The following HIVEP3 variants were observed in gnomAD, a reference collection of about 807,000 sequenced individuals.
HIVEP3 encodes the protein HIVEP zinc finger 3, also known as transcription factor HIVEP3.
HIVEP3 carries 49 observed loss-of-function variants against 152.8 expected under a neutral mutation model. That is an observed-to-expected ratio of 0.32 (90% CI 0.26 to 0.41). The LOEUF is 0.41. HIVEP3 is among the 10% of genes least tolerant of loss of function. The pLI is 1.00. For missense variants in HIVEP3, 2,790 were observed against 3,103.3 expected (o/e 0.90, Z 2.40); for synonymous variants, 1,269 against 1,289.0 (o/e 0.98, Z 0.33).
At chr1:41,641,667 C>T (rs1454847887) in intron 2 of HIVEP3, among the ~76,000 whole-genome samples, 1 of 152,156 alleles carries the variant, frequency 6.6e-6, no homozygotes, top group African/African-American at 2.4e-5. Flanking sequence ...GGTTTCGAGT[C>T]GGTGAACCAG....
intron 4 of HIVEP3, among the ~76,000 whole-genome samples, chr1:41,576,681 C>G (rs74685421): frequency 0.011 from 1,702 of 152,304 alleles, 13 homozygotes; most frequent in Middle Eastern, 0.02. Flanking sequence ...CACCTGCCCC[C>G]ACAAGGACAG....
chr1:41,815,011 A>G (rs1651180986), intron 1 of HIVEP3, among the ~76,000 whole-genome samples: 1 of 152,258 alleles, frequency 6.6e-6, no homozygotes, highest in Non-Finnish European at 1.5e-5. Context: ...CAGAGGAGAC[A>G]GACAGTAAAT....
At chr1:41,896,849 C>T (rs1447873668) in intron 1 of HIVEP3, among the ~76,000 whole-genome samples, 8 of 152,136 alleles carry the variant, frequency 5.3e-5, no homozygotes, top group African/African-American at 1.9e-4. Flanking sequence ...GCTAGGATTA[C>T]AGTTGTGAGC....
chr1:41,545,471 CAACACCACT>C, intron 5 of HIVEP3, among the ~76,000 whole-genome samples: 1 of 145,928 alleles, frequency 6.9e-6, no homozygotes. Context: ...TCACCACCAC[CAACACCACT>C]ACCACCAGCA....
intron 6 of HIVEP3, among the ~76,000 whole-genome samples, chr1:41,519,916 G>A (rs528444351): frequency 6.6e-6 from 1 of 152,140 alleles, no homozygotes; most frequent in Non-Finnish European, 1.5e-5. Flanking sequence ...GGACAGAGAC[G>A]TGGATGAATG....
At chr1:41,667,378 T>A (rs569867459) in intron 2 of HIVEP3, among the ~76,000 whole-genome samples, 1 of 152,364 alleles carries the variant, frequency 6.6e-6, no homozygotes, top group East Asian at 1.9e-4. Flanking sequence ...GAGACCTGGG[T>A]CTGGCCTAAG....
At chr1:41,801,225 T>C (rs558258522) in intron 1 of HIVEP3, among the ~76,000 whole-genome samples, 1 of 152,230 alleles carries the variant, frequency 6.6e-6, no homozygotes, top group East Asian at 1.9e-4. Flanking sequence ...GAAGATATTA[T>C]TAAGGTTGAG....
chr1:41,942,652 T>G (rs1163206903), intron 1 of HIVEP3, among the ~76,000 whole-genome samples: 1 of 152,232 alleles, frequency 6.6e-6, no homozygotes, highest in Non-Finnish European at 1.5e-5. Flanking sequence ...ACAAAGCTAT[T>G]TGTCAAAACA....
chr1:41,880,309 G>C (rs1644241618), intron 1 of HIVEP3, among the ~76,000 whole-genome samples: 1 of 152,130 alleles, frequency 6.6e-6, no homozygotes, highest in South Asian at 2.1e-4. Context: ...CCGAAGTGCT[G>C]GGAGATTACA....
chr1:41,516,482 TC>T (rs1318656076), intron 7 of HIVEP3, among the ~76,000 whole-genome samples: 1 of 152,082 alleles, frequency 6.6e-6, no homozygotes, highest in East Asian at 1.9e-4. Flanking sequence ...TTTTCGTTCT[TC>T]CCCCTCTCTT....
intron 1 of HIVEP3, among the ~76,000 whole-genome samples, chr1:41,777,379 T>C (rs185380543): frequency 2.0e-5 from 3 of 152,264 alleles, no homozygotes; most frequent in Admixed American, 1.3e-4. Context: ...CACTGGGCAT[T>C]TGTCAGCTTT....
At chr1:41,531,769 G>A (rs1643262897) in intron 5 of HIVEP3, among the ~76,000 whole-genome samples, 1 of 67,054 alleles carries the variant, frequency 1.5e-5, no homozygotes, top group Non-Finnish European at 3.3e-5. Flanking sequence ...AGGGGAGATG[G>A]AGGACAGGAG....
At chr1:41,765,918 T>C (rs563119693) in intron 1 of HIVEP3, among the ~76,000 whole-genome samples, 3 of 152,336 alleles carry the variant, frequency 2.0e-5, no homozygotes, top group African/African-American at 7.2e-5. Context: ...GTGTGCCTGC[T>C]CCTTCTTTCT....
At chr1:42,022,098 T>A (rs2124535753) in intron 1 of HIVEP3, among the ~76,000 whole-genome samples, 1 of 152,356 alleles carries the variant, frequency 6.6e-6, no homozygotes, top group Non-Finnish European at 1.5e-5. Flanking sequence ...AATCCACAGA[T>A]GTCTGGCACA....
rs1479374742 is a variant in HIVEP3, at chr1:41,880,827, A to T, written c.-801+37586T>A. ...AGGGGAGACCTGCATCTGTGGGGCG[A>T]GCATCCCCTAATCCTGATAGGCTTC... is the stretch of plus-strand genomic sequence containing the variant. On this transcript the variant is annotated intron_variant, in intron 1 of 8. Coordinates refer to ENST00000372583, the MANE Select transcript of HIVEP3 (RefSeq NM_024503.5). Among the ~76,000 whole-genome samples the T allele has an allele frequency of 4.9e-4, 74 of 152,310 alleles. 1 individual carries two copies. Among genetic ancestry groups the T allele is most frequent in the Admixed American group, 4.8e-3 (74 of 15,300 alleles).
At chr1:41,801,258 A>T (rs1367026869) in intron 1 of HIVEP3, among the ~76,000 whole-genome samples, 1 of 152,180 alleles carries the variant, frequency 6.6e-6, no homozygotes, top group Non-Finnish European at 1.5e-5. Flanking sequence ...GGATAGCATA[A>T]GAGCAACATC....
At chr1:41,999,916 G>T (rs1451652160) in intron 1 of HIVEP3, among the ~76,000 whole-genome samples, 1 of 151,958 alleles carries the variant, frequency 6.6e-6, no homozygotes, top group Admixed American at 6.6e-5. Context: ...TTATTATGAG[G>T]CCATATTAGG....
intron 1 of HIVEP3, among the ~76,000 whole-genome samples, chr1:41,761,280 G>A (rs1011559526): frequency 2.6e-5 from 4 of 152,188 alleles, no homozygotes; most frequent in Non-Finnish European, 4.4e-5. Context: ...ATGCCTGTGT[G>A]TGTATACACC....
chr1:41,907,997 T>A (rs889179202), intron 1 of HIVEP3, among the ~76,000 whole-genome samples: 1 of 152,076 alleles, frequency 6.6e-6, no homozygotes, highest in African/African-American at 2.4e-5. Flanking sequence ...TATAATTCTA[T>A]AAAAACTGGA....
Sources: gnomAD v4.1 joint callset for allele counts (sites outside exome capture counted in the v4.1 genomes callset) on GRCh38, gnomAD v4.1.1 for gene constraint, MANE v1.5 for transcripts, NCBI Gene and HGNC (gene_info 2026-07-23, HGNC 2026-07-21) for gene names.